The following POU6F2 variants were observed in gnomAD, a reference collection of about 807,000 sequenced individuals.
POU6F2 encodes POU class 6 homeobox 2.
POU6F2 carries 31 observed loss-of-function variants against 71.3 expected under a neutral mutation model. The ratio of observed to expected loss-of-function variants is 0.43; its 90% CI spans 0.33 to 0.59. The LOEUF (loss-of-function observed/expected upper bound fraction) is 0.59, where lower values mean the gene tolerates loss of function less well. POU6F2 is among the 20% of genes least tolerant of loss of function. The pLI, the probability that POU6F2 is intolerant of heterozygous loss-of-function variation, is 0.04. For missense variants in POU6F2, 783 were observed against 856.8 expected, an observed-to-expected ratio of 0.91 and a Z score of 1.07; for synonymous variants, 347 against 355.7, an observed-to-expected ratio of 0.98 and a Z score of 0.27.
At chr7:39,160,443 C>G (rs1792971617) in intron 2 of POU6F2, among the ~76,000 whole-genome samples, 1 of 152,156 alleles carries the variant, frequency 6.6e-6, no homozygotes, top group South Asian at 2.1e-4. Context: ...ATTGGAGCCT[C>G]TGTCCCAGTC....
intron 3 of POU6F2, among the ~76,000 whole-genome samples, chr7:39,206,361 C>G (rs550447998): frequency 1.3e-5 from 2 of 152,302 alleles, no homozygotes; most frequent in African/African-American, 4.8e-5. Context: ...TTGCCTTTCC[C>G]TACCAGAGAA....
rs374543038 is a variant in POU6F2, at chr7:39,390,070, A to AC, written c.973-16528dup. Among the ~76,000 whole-genome samples, 79 of 152,354 alleles carry AC rather than the reference A, an allele frequency of 5.2e-4. No individual in the cohort carries two copies. In the Middle Eastern group the frequency reaches 0.01, roughly 20 times the overall value. The stretch of plus-strand genomic sequence containing the variant: ...TCAGGTAGGTAGTGATAGTGAGGAC[A>AC]CCATCAGATACGATCATGCTCACTT... On this transcript the variant is annotated intron_variant, in intron 5 of 9. Coordinates refer to ENST00000518318, the MANE Select transcript of POU6F2 (RefSeq NM_001370959.1).
intron 4 of POU6F2, among the ~76,000 whole-genome samples, chr7:39,210,785 T>C (rs533703620): frequency 5.8e-4 from 88 of 152,230 alleles, no homozygotes; most frequent in African/African-American, 2.0e-3. Flanking sequence ...TTTTAAAAGA[T>C]CCCCAGATAA....
At chr7:39,008,959 T>C (rs1260202795) in intron 1 of POU6F2, among the ~76,000 whole-genome samples, 1 of 152,144 alleles carries the variant, frequency 6.6e-6, no homozygotes, top group Non-Finnish European at 1.5e-5. Flanking sequence ...GGTAGCATGA[T>C]GCCTCCAGCT....
chr7:39,221,317 A>G (rs1200523737), intron 4 of POU6F2, among the ~76,000 whole-genome samples: 2 of 151,528 alleles, frequency 1.3e-5, no homozygotes, highest in Non-Finnish European at 2.9e-5. Context: ...GCCATAGTAT[A>G]GGAACTACTT....
At chr7:39,153,965 G>T (rs1792811043) in intron 2 of POU6F2, among the ~76,000 whole-genome samples, 1 of 152,116 alleles carries the variant, frequency 6.6e-6, no homozygotes, top group Admixed American at 6.6e-5. Flanking sequence ...ACAAGTAAGT[G>T]GTAGGGACAC....
chr7:39,183,290 C>A (rs1793470846), intron 2 of POU6F2, among the ~76,000 whole-genome samples: 1 of 152,162 alleles, frequency 6.6e-6, no homozygotes, highest in African/African-American at 2.4e-5. Context: ...TAAATAACTA[C>A]CTGATACTGG....
intron 4 of POU6F2, among the ~76,000 whole-genome samples, chr7:39,261,670 T>G (rs1290043388): frequency 6.6e-6 from 1 of 152,198 alleles, no homozygotes; most frequent in Non-Finnish European, 1.5e-5. Flanking sequence ...CTGACCACAC[T>G]ACACCATGCT....
intron 4 of POU6F2, chr7:39,329,261 TATA>T (rs1165126207): frequency 1.3e-5 from 2 of 148,152 alleles, no homozygotes; most frequent in African/African-American, 4.9e-5. Flanking sequence ...ATATAATAAA[TATA>T]ATAATATATT....
Position 39,451,528 on chromosome 7 carries a change from T to C in POU6F2, c.1321-5T>C. On this transcript the variant is annotated splice_polypyrimidine_tract_variant and splice_region_variant and intron_variant, in intron 7 of 9. Transcript: ENST00000518318. ...TGTGTATTTTTTTTACATCCCCTCATGTAGCTCCACCAACCCTCCCAGACG... is the reference window on the plus strand; with the variant it reads ...TGTGTATTTTTTTTACATCCCCTCACGTAGCTCCACCAACCCTCCCAGACG... The C allele has an allele frequency of 6.2e-7, 1 of 1,610,272 alleles. No homozygotes were observed. Among genetic ancestry groups the C allele is most frequent in the Middle Eastern group, 1.7e-4 (1 of 6,052 alleles).
intron 8 of POU6F2, among the ~76,000 whole-genome samples, chr7:39,459,263 G>C (rs1202299841): frequency 2.0e-5 from 3 of 152,152 alleles, no homozygotes; most frequent in African/African-American, 7.2e-5. Flanking sequence ...TTAATGTGAA[G>C]ATAAAAGACA....
chr7:39,338,549 C>T (rs1785834724), intron 4 of POU6F2, among the ~76,000 whole-genome samples: 2 of 152,156 alleles, frequency 1.3e-5, no homozygotes, highest in South Asian at 4.1e-4. Context: ...TGTGAGATCA[C>T]AGAATTGGTA....
rs1244059469 is a variant in POU6F2, at chr7:39,204,316, T to G, written c.359T>G (p.Val120Gly). Residue 120 changes from valine (V) to glycine (G), a missense_variant, in exon 3 of 10, where the codon GTT becomes GGT. Around this residue, in one of 2 missense-constraint regions of POU6F2, gnomAD observed 572 missense variants for 572.9 expected, o/e 1.00. Transcript: ENST00000518318. ...QASQTHPPFP[V>G]GPQPLLTAQQ... Reference sequence around the variant, plus strand: ...AGTCAGACCCACCCCCCATTTCCAGTTGGGCCACAGGTCAGTATCTCTCAA... The same window carrying G: ...AGTCAGACCCACCCCCCATTTCCAGGTGGGCCACAGGTCAGTATCTCTCAA... 1 of 1,613,216 alleles carries G rather than the reference T, an allele frequency of 6.2e-7. No homozygotes were observed. The highest frequency in any genetic ancestry group is 1.3e-5 in the African/African-American group (1 of 74,898).
At chr7:39,068,507 A>ATATATATATATATATATATATATAT (rs1554315102) in intron 1 of POU6F2, among the ~76,000 whole-genome samples, 2 of 149,086 alleles carry the variant, frequency 1.3e-5, no homozygotes, top group African/African-American at 4.9e-5. Context: ...ATATATATAT[A>ATATATATATATATATATATATATAT]ATTTTCATAA....
chr7:39,231,584 C>A (rs1244630187), intron 4 of POU6F2, among the ~76,000 whole-genome samples: 2 of 152,124 alleles, frequency 1.3e-5, no homozygotes, highest in East Asian at 3.9e-4. Flanking sequence ...ACCCTATTTT[C>A]CATCCTTTCT....
chr7:39,248,694 G>A (rs1292755105), intron 4 of POU6F2, among the ~76,000 whole-genome samples: 1 of 152,102 alleles, frequency 6.6e-6, no homozygotes, highest in Non-Finnish European at 1.5e-5. Flanking sequence ...GTAGTTTGGG[G>A]CAATTCTGTT....
chr7:39,209,350 A>G (rs1311033861), intron 4 of POU6F2, among the ~76,000 whole-genome samples: 1 of 152,124 alleles, frequency 6.6e-6, no homozygotes, highest in Non-Finnish European at 1.5e-5. Context: ...TTCTGACACA[A>G]TTTCCCTCTC....
At chr7:39,350,729 G>A (rs944610836) in intron 5 of POU6F2, among the ~76,000 whole-genome samples, 3 of 152,202 alleles carry the variant, frequency 2.0e-5, no homozygotes, top group Admixed American at 1.3e-4. Context: ...AAGTGAAAAA[G>A]TGAGTATCTT....
At chr7:39,308,045 A>G (rs1785080461) in intron 4 of POU6F2, among the ~76,000 whole-genome samples, 1 of 152,110 alleles carries the variant, frequency 6.6e-6, no homozygotes, top group Non-Finnish European at 1.5e-5. Flanking sequence ...TCCACTGTCC[A>G]CCTACTTCCA....
Sources: gnomAD v4.1 joint callset for allele counts (sites outside exome capture counted in the v4.1 genomes callset) on GRCh38, gnomAD v4.1.1 for gene constraint, gnomAD v4.1.1 regional missense constraint, MANE v1.5 for transcripts, NCBI Gene and HGNC (gene_info 2026-07-23, HGNC 2026-07-21) for gene names.